DBH: variants seen among roughly 807,000 people sequenced by gnomAD.
DBH encodes the protein dopamine beta-hydroxylase.
In DBH, 49 loss-of-function variants were observed where a neutral mutation model predicts 64.0. The observed-to-expected ratio is 0.77, with a 90% CI of 0.61 to 0.97. The LOEUF is 0.97. Among genes scored for constraint, DBH ranks in the 50% least tolerant of loss-of-function variants. The pLI, the probability that DBH is intolerant of heterozygous loss-of-function variation, is 0.00. For missense variants in DBH, 828 were observed against 826.6 expected, an observed-to-expected ratio of 1.00 and a Z score of -0.02; for synonymous variants, 343 against 347.1, an observed-to-expected ratio of 0.99 and a Z score of 0.13.
In DBH at chr9:133,644,807, T is replaced by C. The variant is rs148518733; in HGVS notation, c.1024+487T>C. 3.6e-4 allele frequency among the ~76,000 whole-genome samples: 55 copies of C among 152,254 alleles called. No individual in the cohort carries two copies. The East Asian group carries it at 0.01, about 28-fold the overall frequency. ...GGGGCAGCTGCTGTTGGATCACCCA[T>C]ACCTGAGGGTGGAGTGAGCAGGGTC... On this transcript the variant is annotated intron_variant, in intron 5 of 11. Transcript: ENST00000393056.
In DBH at chr9:133,652,921, C is replaced by A. The variant is rs758726940; in HGVS notation, c.1375-19C>A. ...ACGCCAGGTGGCAGGTGCTGATGGT[C>A]ACATTGGCTTTTCCTCAGGGAGATG... is the stretch of plus-strand genomic sequence containing the variant. On this transcript the variant is annotated intron_variant, in intron 8 of 11. Transcript: ENST00000393056. 5.0e-6 allele frequency: 8 copies of A among 1,610,120 alleles called. No homozygotes were observed. The Admixed American group carries it at 1.2e-4, about 23-fold the overall frequency.
rs774616126 is a variant in DBH, at chr9:133,643,493, C to T, written c.825C>T (p.Ser275=). 4 of 1,613,744 alleles carry T rather than the reference C, an allele frequency of 2.5e-6. No individual in the cohort carries two copies. Among genetic ancestry groups the T allele is most frequent in the South Asian group, 1.1e-5 (1 of 91,078 alleles). Residue 275 remains serine, a synonymous_variant, in exon 4 of 12, where the codon AGC becomes AGT. Transcript: ENST00000393056. The surrounding 1 kb of genome is among the most constrained non-coding windows in gnomAD (Gnocchi z 5.3). ...EVFQCAPEMD[S]VPHFSGPCDS... Reference sequence around the variant, plus strand: ...TCCAGTGCGCCCCCGAGATGGACAGCGTCCCCCACTTCAGCGGGCCCTGCG... The same window carrying T: ...TCCAGTGCGCCCCCGAGATGGACAGTGTCCCCCACTTCAGCGGGCCCTGCG...
chr9:133,654,616 G>A (rs568230466), intron 9 of DBH: 3 of 152,394 alleles, frequency 2.0e-5, no homozygotes, highest in African/African-American at 7.2e-5. Context: ...TCTCTCTAGA[G>A]GAGGTGCTCA....
At chr9:133,648,761 T>C (rs1376513677) in intron 6 of DBH, among the ~76,000 whole-genome samples, 1 of 152,232 alleles carries the variant, frequency 6.6e-6, no homozygotes, top group East Asian at 1.9e-4. Flanking sequence ...GAGTGACTAC[T>C]AAAATCTCCT....
chr9:133,657,458 G>T, intron 11 of DBH: 1 of 505,666 alleles, frequency 2.0e-6, no homozygotes, highest in African/African-American at 2.8e-5. Flanking sequence ...AGAGGAGAGA[G>T]GGAGAGGGAG....
At position 133,657,224 on chromosome 9, in the gene DBH, T is replaced by G; in HGVS notation, c.1717T>G (p.Phe573Val). 6.2e-7 allele frequency: 1 copy of G among 1,613,908 alleles called. No individual in the cohort carries two copies. ...CTGCAACAAGTCCTCAGCCGTCCGC[T>G]TCCAGGTGCGCTGCCATGGGCCCGG... ...MHCNKSSAVR[F>V]QGEWNLQPLP... Residue 573 changes from phenylalanine (F) to valine (V), a missense_variant, in exon 11 of 12, where the codon TTC becomes GTC. Phe to Val is a conservative substitution (Grantham distance 50). Transcript: ENST00000393056.
At position 133,636,710 on chromosome 9, in the gene DBH, G is replaced by T. The variant is rs747816048; in HGVS notation, c.339G>T (p.Ala113=). Residue 113 remains alanine, a splice_region_variant and synonymous_variant, in exon 1 of 12, where the codon GCG becomes GCT. Transcript: ENST00000393056. ...LWTDGDTAYF[A]DAWSDQKGQI... ...CCGATGGGGACACTGCCTATTTTGC[G>T]GTGAGTCTCTCCTCCCTGCCAGCTC... 2 of 1,600,852 alleles carry T rather than the reference G, an allele frequency of 1.2e-6. No individual in the cohort carries two copies. The highest frequency in any genetic ancestry group is 4.5e-5 in the East Asian group (2 of 44,876).
At chr9:133,657,941 T>G (rs1045757014) in intron 11 of DBH, among the ~76,000 whole-genome samples, 1 of 151,982 alleles carries the variant, frequency 6.6e-6, no homozygotes, top group South Asian at 2.1e-4. Context: ...TAGTGTGGGG[T>G]GGACGTCTGA....
chr9:133,652,736 G>A (rs550434921), intron 8 of DBH, among the ~76,000 whole-genome samples: 4 of 152,270 alleles, frequency 2.6e-5, no homozygotes, highest in South Asian at 4.1e-4. Flanking sequence ...TGGGTCACAG[G>A]AGCTGATGGT....
chr9:133,650,593 G>A (rs1367608922), intron 6 of DBH, among the ~76,000 whole-genome samples: 2 of 130,246 alleles, frequency 1.5e-5, no homozygotes, highest in African/African-American at 2.9e-5. Flanking sequence ...TGTTGCCCAG[G>A]CTGCAGTGCA....
At chr9:133,657,309 A>T in intron 11 of DBH, 80 bp downstream of exon 11, 1 of 1,557,690 alleles carries the variant, frequency 6.4e-7, no homozygotes, top group Non-Finnish European at 8.8e-7. Flanking sequence ...ATGGGTCTGC[A>T]CTCCAAACTG....
In DBH at chr9:133,639,759, G is replaced by A. The variant is rs997994943; in HGVS notation, c.340-87G>A. The A allele has an allele frequency of 6.3e-6, 9 of 1,427,694 alleles. 1 individual carries two copies. The highest frequency in any genetic ancestry group is 8.6e-6 in the Non-Finnish European group (9 of 1,044,342). 88.4% of individuals were successfully genotyped at this position (1,427,694 alleles called of 1,614,324 possible). On this transcript the variant is annotated intron_variant, in intron 1 of 11. Transcript: ENST00000393056. Reference sequence around the variant, plus strand: ...CCCCAGATCAGCTGGCAATGAATGCGGAGCTCTGCCGGGGAATGCCCTCTT... The same window carrying A: ...CCCCAGATCAGCTGGCAATGAATGCAGAGCTCTGCCGGGGAATGCCCTCTT...
chr9:133,644,742 G>A (rs962642351), intron 5 of DBH, among the ~76,000 whole-genome samples: 7 of 152,338 alleles, frequency 4.6e-5, no homozygotes, highest in African/African-American at 9.6e-5. Flanking sequence ...GGACACAGGC[G>A]CTCCGGCCTG....
chr9:133,647,389 C>T (rs936202064), intron 5 of DBH, among the ~76,000 whole-genome samples: 5 of 152,182 alleles, frequency 3.3e-5, no homozygotes, highest in Admixed American at 1.3e-4. Context: ...AGGTTGTCAC[C>T]GTCTTGCAGG....
chr9:133,652,346 TG>T lies in DBH; in HGVS notation c.1374+67del, dbSNP rs1832261517. 7.0e-6 allele frequency: 11 copies of T among 1,579,818 alleles called. No individual in the cohort carries two copies. In the Admixed American group the frequency reaches 1.5e-4, roughly 22 times the overall value. ...CACCAGCTGGGGTGGCTGAGAGGGC[TG>T]GGGGTGCCACCAGAAGGAGAGGGAC... On this transcript the variant is annotated intron_variant, in intron 8 of 11. Coordinates refer to ENST00000393056, the MANE Select transcript of DBH (RefSeq NM_000787.4).
At chr9:133,644,010 C>T (rs572755743) in intron 4 of DBH, among the ~76,000 whole-genome samples, 112 of 152,290 alleles carry the variant, frequency 7.4e-4, no homozygotes, top group Non-Finnish European at 7.2e-4. Flanking sequence ...GCACCAGCTC[C>T]TCTCCCCAAC....
rs1588356385 is a variant in DBH, at chr9:133,658,637, G to A, written c.*190G>A. The A allele has an allele frequency of 4.7e-6, 3 of 641,702 alleles. No homozygotes were observed. The highest frequency in any genetic ancestry group is 5.0e-5 in the South Asian group (2 of 39,662). The allele number at this position is 641,702 out of a possible 1,614,324, so 39.8% of individuals were successfully genotyped here. A position where few individuals can be genotyped will look rare whatever the true frequency, so the allele number is the denominator to read the frequency against. ...CCCAGGGTCCCCTGCATGGCTGAGA[G>A]GGTGTGGGTGCCCTGTTGACCTACC... On this transcript the variant is annotated 3_prime_UTR_variant, in exon 12 of 12. Coordinates refer to ENST00000393056, the MANE Select transcript of DBH (RefSeq NM_000787.4).
chr9:133,640,010 G>A lies in DBH; in HGVS notation c.486+18G>A. ...TCATTGAAGTAAGGGGTGGCCGCGA[G>A]TACCCAGGAGGGCGTGGGCTGCGTG... is the stretch of plus-strand genomic sequence containing the variant. On this transcript the variant is annotated intron_variant, in intron 2 of 11. Transcript: ENST00000393056. 1 of 1,613,722 alleles carries A rather than the reference G, an allele frequency of 6.2e-7. No individual in the cohort carries two copies. Among genetic ancestry groups the A allele is most frequent in the East Asian group, 2.2e-5 (1 of 44,874 alleles).
intron 6 of DBH, among the ~76,000 whole-genome samples, chr9:133,650,464 CTTTT>C (rs989674523): frequency 2.5e-4 from 37 of 147,018 alleles, no homozygotes; most frequent in African/African-American, 9.9e-4. Flanking sequence ...CCTTTCTTTT[CTTTT>C]TCTTTCTTTT....
Sources: allele counts gnomAD v4.1 joint callset (sites outside exome capture counted in the v4.1 genomes callset), GRCh38; gene constraint gnomAD v4.1.1; non-coding constraint Gnocchi (gnomAD v3.1); transcripts MANE v1.5; gene names NCBI Gene and HGNC (gene_info 2026-07-23, HGNC 2026-07-21).